Variants in ERC1 observed in about 807,000 individuals in gnomAD.
ERC1 encodes the protein ELKS/RAB6-interacting/CAST family member 1.
In ERC1, 56 loss-of-function variants were observed where a neutral mutation model predicts 132.0. The ratio of observed to expected loss-of-function variants is 0.42; its 90% CI spans 0.34 to 0.53. The LOEUF is 0.53. Among genes scored for constraint, ERC1 ranks in the 20% least tolerant of loss-of-function variants. ERC1 has a pLI of 0.03. For synonymous variants in ERC1, 478 were observed against 476.1 expected, an observed-to-expected ratio of 1.00 and a Z score of -0.05; for missense variants, 1,202 against 1,349.9, an observed-to-expected ratio of 0.89 and a Z score of 1.72.
intron 2 of ERC1, among the ~76,000 whole-genome samples, chr12:1,070,764 T>C (rs990834067): frequency 6.6e-6 from 1 of 152,236 alleles, no homozygotes; most frequent in Non-Finnish European, 1.5e-5. Flanking sequence ...TCCATGAGTT[T>C]TGACAAATGC....
intron 12 of ERC1, among the ~76,000 whole-genome samples, chr12:1,231,358 T>C (rs1378127268): frequency 6.6e-6 from 1 of 152,194 alleles, no homozygotes; most frequent in Non-Finnish European, 1.5e-5. Flanking sequence ...TTACATCTTT[T>C]TATATTTGTG....
chr12:1,490,057 G>A lies in ERC1; in HGVS notation c.3214-36G>A, dbSNP rs1469677166. The A allele has an allele frequency of 3.1e-6, 5 of 1,604,714 alleles. No individual in the cohort carries two copies. The South Asian group carries it at 3.3e-5, about 11-fold the overall frequency. ...TTCTTAGCTCAGTGCAAATGGGATT[G>A]TTGTATCTGAAATCCATCTCTCCTT... On this transcript the variant is annotated intron_variant, in intron 18 of 18. Coordinates refer to ENST00000360905, the MANE Select transcript of ERC1 (RefSeq NM_178040.4).
chr12:1,134,246 T>C (rs906476878), intron 7 of ERC1, among the ~76,000 whole-genome samples: 1 of 152,170 alleles, frequency 6.6e-6, no homozygotes, highest in African/African-American at 2.4e-5. Context: ...AAAACAATTA[T>C]ATTCTTCTTA....
At chr12:1,114,652 AGT>A (rs1401338895) in intron 6 of ERC1, among the ~76,000 whole-genome samples, 1 of 151,858 alleles carries the variant, frequency 6.6e-6, no homozygotes, top group Non-Finnish European at 1.5e-5. Flanking sequence ...ACGTTGTTAC[AGT>A]GTGTGCTAAC....
intron 16 of ERC1, among the ~76,000 whole-genome samples, chr12:1,381,488 C>T (rs1024377374): frequency 6.6e-6 from 1 of 152,088 alleles, no homozygotes; most frequent in Admixed American, 6.6e-5. Context: ...CGTGAGCCAC[C>T]ACAGCCGTCC....
rs1390056792 is a variant in ERC1 at position 1,454,191 on chromosome 12, G to A, written c.3213+9441G>A. Among the ~76,000 whole-genome samples the A allele has an allele frequency of 2.0e-5, 3 of 152,278 alleles. No homozygotes were observed. In the East Asian group the frequency reaches 5.8e-4, roughly 29 times the overall value. ...CCAGATGGGTTCCAGATAGCCAGCC[G>A]AACACACGGAGGTGCTGGAGGTGCC... On this transcript the variant is annotated intron_variant, in intron 18 of 18. Coordinates refer to ENST00000360905, the MANE Select transcript of ERC1 (RefSeq NM_178040.4).
At chr12:1,280,240 C>T (rs758532692) in intron 14 of ERC1, among the ~76,000 whole-genome samples, 10 of 152,186 alleles carry the variant, frequency 6.6e-5, no homozygotes, top group Admixed American at 2.0e-4. Flanking sequence ...GATGGCTTCC[C>T]GCTGATTTTT....
At chr12:1,349,131 TGAAAA>T (rs1165599455) in intron 15 of ERC1, among the ~76,000 whole-genome samples, 1 of 152,222 alleles carries the variant, frequency 6.6e-6, no homozygotes, top group Non-Finnish European at 1.5e-5. Context: ...AGACGTCTAT[TGAAAA>T]GAAATTTTCC....
At chr12:1,486,764 G>A (rs73601977) in intron 18 of ERC1, among the ~76,000 whole-genome samples, 2,351 of 152,134 alleles carry the variant, frequency 0.015, 59 homozygotes, top group African/African-American at 0.053. Flanking sequence ...TTTAAATTGC[G>A]GAAAACTCCT....
intron 17 of ERC1, among the ~76,000 whole-genome samples, chr12:1,436,354 C>G (rs916999753): frequency 6.6e-6 from 1 of 152,094 alleles, no homozygotes; most frequent in African/African-American, 2.4e-5. Context: ...GAGAAGGAGC[C>G]GGTAAATGTG....
At chr12:1,022,948 C>G (rs959693902) in intron 1 of ERC1, among the ~76,000 whole-genome samples, 1 of 152,120 alleles carries the variant, frequency 6.6e-6, no homozygotes, top group African/African-American at 2.4e-5. Context: ...GGGGCTCTTC[C>G]CCCTTTGCTT....
intron 17 of ERC1, among the ~76,000 whole-genome samples, chr12:1,436,155 GACACAC>G (rs139467911): frequency 1.0e-4 from 15 of 148,630 alleles, no homozygotes; most frequent in African/African-American, 1.5e-4. Flanking sequence ...CAGACAGACG[GACACAC>G]ACACACACAC....
At chr12:1,319,619 ATTATT>A in intron 15 of ERC1, among the ~76,000 whole-genome samples, 1 of 152,302 alleles carries the variant, frequency 6.6e-6, no homozygotes, top group South Asian at 2.1e-4. Context: ...TATCACTTGG[ATTATT>A]TTATTAGCAA....
chr12:1,410,283 C>G, intron 17 of ERC1: 1 of 421,090 alleles, frequency 2.4e-6, no homozygotes, highest in Non-Finnish European at 4.5e-6. Flanking sequence ...TCAAGAAATT[C>G]TCTTCTGCTA....
rs1274243187 is a variant in ERC1, at chr12:1,236,824, G to A, written c.2407G>A (p.Glu803Lys). ...VANLKHKEQV[E>K]KKKSAQMLEE... ...AAATCTGAAGCACAAGGAACAGGTG[G>A]AAAAAAAGAAGAGTGCACAAATGTT... Residue 803 changes from glutamate to lysine, a missense_variant, in exon 13 of 19, where the codon GAA becomes AAA. Physicochemically the swap from Glu to Lys is moderately conservative, Grantham distance 56. Transcript: ENST00000360905. The A allele has an allele frequency of 6.2e-7, 1 of 1,613,954 alleles. No individual in the cohort carries two copies.
intron 14 of ERC1, among the ~76,000 whole-genome samples, chr12:1,287,546 T>C (rs1353555216): frequency 6.6e-6 from 1 of 152,166 alleles, no homozygotes; most frequent in Non-Finnish European, 1.5e-5. Flanking sequence ...AAGGCCTGAG[T>C]AGAACAAAAC....
chr12:1,379,512 G>A (rs55681335), intron 16 of ERC1, among the ~76,000 whole-genome samples: 32,121 of 152,058 alleles, frequency 0.21, 3,895 homozygotes, highest in Non-Finnish European at 0.28. Flanking sequence ...CCACACCGGC[G>A]TTTGAAGTTT....
chr12:1,113,454 C>T (rs1416367659), intron 6 of ERC1, among the ~76,000 whole-genome samples: 1 of 152,212 alleles, frequency 6.6e-6, no homozygotes, highest in East Asian at 1.9e-4. Flanking sequence ...CTTACAAGTT[C>T]TTTACTGACC....
chr12:1,366,252 TAAAC>T (rs1202269657), intron 15 of ERC1, among the ~76,000 whole-genome samples: 2 of 152,254 alleles, frequency 1.3e-5, no homozygotes, highest in Non-Finnish European at 2.9e-5. Flanking sequence ...AATGAGCTAA[TAAAC>T]AGACCAATAA....
Sources: allele counts gnomAD v4.1 joint callset (sites outside exome capture counted in the v4.1 genomes callset), GRCh38; gene constraint gnomAD v4.1.1; transcripts MANE v1.5; gene names NCBI Gene and HGNC (gene_info 2026-07-23, HGNC 2026-07-21).